The following ZNF606 variants were observed in gnomAD, a reference collection of about 807,000 sequenced individuals.
The protein encoded by ZNF606 is zinc finger protein 328.
In ZNF606, 37 loss-of-function variants were observed where a neutral mutation model predicts 74.9. The ratio of observed to expected loss-of-function variants is 0.49; its 90% CI spans 0.38 to 0.65. The LOEUF is 0.65. Ranked by LOEUF, ZNF606 falls within the 30% of genes least tolerant of loss-of-function variation. ZNF606 has a pLI of 0.00. For missense variants in ZNF606, 852 were observed against 952.9 expected (o/e 0.89, Z 1.39); for synonymous variants, 328 against 312.4 (o/e 1.05, Z -0.53).
At chr19:57,984,019 T>C (rs73066263) in intron 6 of ZNF606, among the ~76,000 whole-genome samples, 2,005 of 152,310 alleles carry the variant, frequency 0.013, 20 homozygotes, top group Middle Eastern at 0.034. Flanking sequence ...CAAGTGAGAA[T>C]TTCCTCATCA....
intron 3 of ZNF606, chr19:58,000,462 T>A: frequency 1.6e-6 from 1 of 634,092 alleles, no homozygotes. Context: ...CCTGACCTCG[T>A]GATCCACTCG....
At chr19:58,002,836 G>A (rs766096623), upstream of ZNF606, 2 of 447,780 alleles carry the variant, frequency 4.5e-6, no homozygotes, top group Non-Finnish European at 9.0e-6. Context: ...GCGCCGCGGG[G>A]TCTGCTGGGA....
chr19:58,002,151 T>C (rs1328033827), intron 1 of ZNF606: 1 of 456,502 alleles, frequency 2.2e-6, no homozygotes, highest in African/African-American at 2.0e-5. Context: ...AACTTGACAG[T>C]GACCGCCGCC....
chr19:57,995,189 C>CAAAA (rs766350560), intron 4 of ZNF606, among the ~76,000 whole-genome samples: 2 of 49,526 alleles, frequency 4.0e-5, no homozygotes, highest in African/African-American at 1.4e-4. Flanking sequence ...GACTCTGACT[C>CAAAA]AAAAAAAAAA....
At chr19:57,995,442 C>T (rs1037221511) in intron 4 of ZNF606, among the ~76,000 whole-genome samples, 5 of 152,098 alleles carry the variant, frequency 3.3e-5, no homozygotes, top group African/African-American at 1.2e-4. Flanking sequence ...ACAAGCCTGA[C>T]TTCTCTGTAT....
rs1394228085 is a variant in ZNF606 at position 57,993,845 on chromosome 19, G to C, written c.178-5124C>G. 2.0e-5 allele frequency among the ~76,000 whole-genome samples: 3 copies of C among 152,148 alleles called. 1 individual carries two copies. The highest frequency in any genetic ancestry group is 4.4e-5 in the Non-Finnish European group (3 of 68,028). Reference sequence around the variant, plus strand: ...GGCCCATGCAGGCCCACGAAACCCAGGGCATGCCTCACCAGGAGCACAGAG... The same window carrying C: ...GGCCCATGCAGGCCCACGAAACCCACGGCATGCCTCACCAGGAGCACAGAG... On this transcript the variant is annotated intron_variant, in intron 4 of 6. Transcript: ENST00000551380.
At position 58,000,522 on chromosome 19, in the gene ZNF606, A is replaced by G. The variant is rs115507500; in HGVS notation, c.88+161T>C. ...GCGTGAGTCACCACGCCTGGCCACT[A>G]GTTTTCTGATTCCTCCTTGTTCCAG... On this transcript the variant is annotated intron_variant, in intron 3 of 6. Transcript: ENST00000551380. 4.2e-3 allele frequency: 3,370 copies of G among 798,714 alleles called. 66 individuals are homozygous for G. The African/African-American group carries it at 0.049, about 12-fold the overall frequency. 49.5% of individuals were successfully genotyped at this position (798,714 alleles called of 1,614,324 possible). A position where few individuals can be genotyped will look rare whatever the true frequency, so the allele number is the denominator to read the frequency against.
Position 57,979,171 on chromosome 19 carries a change from C to T in ZNF606, c.1509G>A (p.Gln503=), listed in dbSNP as rs990055223. The change falls in exon 7 of 7, where the codon CAG becomes CAA. Residue 503 remains glutamine (Q), a synonymous_variant. Coordinates refer to ENST00000551380, the MANE Select transcript of ZNF606 (RefSeq NM_001348022.3). ...FNWNSHLIGH[Q]RTHTGEKPFE... is the part of the protein sequence containing the mutation. ...AAGGTTTCTCTCCTGTATGAGTCCT[C>T]TGATGTCCAATAAGATGAGAGTTCC... The T allele has an allele frequency of 1.2e-6, 2 of 1,613,960 alleles. No individual in the cohort carries two copies. Among genetic ancestry groups the T allele is most frequent in the Admixed American group, 1.7e-5 (1 of 60,006 alleles).
chr19:58,001,403 T>C (rs1473142117), intron 1 of ZNF606, 33 bp from the exon 2 acceptor site: 1 of 1,560,600 alleles, frequency 6.4e-7, no homozygotes, highest in Non-Finnish European at 8.8e-7. Flanking sequence ...ACAAAACTAG[T>C]CCTTTCTCAC....
chr19:57,982,979 C>CACA (rs55983246), intron 6 of ZNF606, among the ~76,000 whole-genome samples: 33,804 of 151,838 alleles, frequency 0.22, 3,835 homozygotes, highest in Non-Finnish European at 0.24. Flanking sequence ...TTCTACTCTG[C>CACA]ACAACTGGCA....
chr19:57,987,785 A>G (rs574792626), intron 6 of ZNF606, among the ~76,000 whole-genome samples: 174 of 152,136 alleles, frequency 1.1e-3, no homozygotes, highest in South Asian at 3.9e-3. Context: ...CCGAGATCGC[A>G]CCACTGCACT....
chr19:57,998,349 T>C (rs1359686270), intron 4 of ZNF606: 1 of 152,220 alleles, frequency 6.6e-6, no homozygotes, highest in Non-Finnish European at 1.5e-5. Context: ...GTAATTACAC[T>C]TATTACATTT....
intron 4 of ZNF606, among the ~76,000 whole-genome samples, chr19:57,997,088 A>C (rs1430000793): frequency 6.6e-6 from 1 of 152,208 alleles, no homozygotes. Flanking sequence ...CAGAGAAGGA[A>C]AACATAAATA....
chr19:57,989,478 G>T (rs1403449357), intron 4 of ZNF606, among the ~76,000 whole-genome samples: 1 of 151,764 alleles, frequency 6.6e-6, no homozygotes, highest in African/African-American at 2.4e-5. Context: ...ACAGAGTCTC[G>T]CTCTGTCGCC....
chr19:57,996,328 C>T (rs1322882709), intron 4 of ZNF606, among the ~76,000 whole-genome samples: 1 of 152,114 alleles, frequency 6.6e-6, no homozygotes, highest in Non-Finnish European at 1.5e-5. Flanking sequence ...ATGGTGAAAC[C>T]CTGTCTCGAT....
At chr19:58,000,810 G>A (rs1231419605) in intron 2 of ZNF606, 71 bp from the exon 3 acceptor site, 6 of 1,424,272 alleles carry the variant, frequency 4.2e-6, no homozygotes, top group Middle Eastern at 1.8e-4. Context: ...TACAAGAGGA[G>A]GCTGACTCGC....
chr19:57,988,191 TG>T lies in ZNF606; in HGVS notation c.400+15del. 1 of 1,607,636 alleles carries T rather than the reference TG, an allele frequency of 6.2e-7. No homozygotes were observed. The highest frequency in any genetic ancestry group is 8.5e-7 in the Non-Finnish European group (1 of 1,176,528). ...TTGGGGGGAAGTTCCTTGTTCAGCC[TG>T]GGGTCTGCCCTCACCTGGACAAGTG... On this transcript the variant is annotated intron_variant, in intron 6 of 6. Coordinates refer to ENST00000551380, the MANE Select transcript of ZNF606 (RefSeq NM_001348022.3).
intron 5 of ZNF606, 139 bp downstream of exon 5, chr19:57,988,456 T>C: frequency 1.4e-6 from 2 of 1,405,750 alleles, no homozygotes; most frequent in East Asian, 2.3e-5. Flanking sequence ...AGGAGTTTCA[T>C]CCCTGAACCT....
At chr19:57,990,174 AAC>A (rs2073235400) in intron 4 of ZNF606, among the ~76,000 whole-genome samples, 1 of 151,448 alleles carries the variant, frequency 6.6e-6, no homozygotes, top group South Asian at 2.1e-4. Context: ...CATCCTGGCT[AAC>A]ACGCGGTAAA....
Sources: allele counts gnomAD v4.1 joint callset (sites outside exome capture counted in the v4.1 genomes callset), GRCh38; gene constraint gnomAD v4.1.1; transcripts MANE v1.5; gene names NCBI Gene and HGNC (gene_info 2026-07-23, HGNC 2026-07-21).